The following CNTN4 variants were observed in gnomAD, a reference collection of about 807,000 sequenced individuals.
CNTN4 encodes the protein contactin 4.
CNTN4 carries 77 observed loss-of-function variants against 122.5 expected under a neutral mutation model. The observed-to-expected ratio is 0.63, with a 90% confidence interval of 0.52 to 0.76. The LOEUF (loss-of-function observed/expected upper bound fraction) is 0.76. Ranked by LOEUF, CNTN4 falls within the 30% of genes least tolerant of loss-of-function variation. The probability of loss-of-function intolerance (pLI) is 0.00; values close to 1 mark genes in which losing one functional copy is unlikely to be tolerated. For missense variants in CNTN4, 1,256 were observed against 1,259.1 expected, an observed-to-expected ratio of 1.00 and a Z score of 0.04; for synonymous variants, 512 against 447.0, an observed-to-expected ratio of 1.15 and a Z score of -1.83.
At chr3:2,826,643 C>G (rs1010864920) in intron 7 of CNTN4, among the ~76,000 whole-genome samples, 23 of 152,294 alleles carry the variant, frequency 1.5e-4, no homozygotes, top group African/African-American at 5.5e-4. Context: ...CTTCCCACAC[C>G]TACTCAGCTT....
chr3:2,961,928 G>T (rs2094864604), intron 13 of CNTN4, among the ~76,000 whole-genome samples: 1 of 152,138 alleles, frequency 6.6e-6, no homozygotes, highest in Non-Finnish European at 1.5e-5. Context: ...GCTTTCAGTG[G>T]CACTTCCTAT....
intron 3 of CNTN4, among the ~76,000 whole-genome samples, chr3:2,532,303 G>A: frequency 6.6e-6 from 1 of 151,974 alleles, no homozygotes; most frequent in Non-Finnish European, 1.5e-5. Context: ...CCCTGGGCTG[G>A]ACTGCAGTGG....
intron 4 of CNTN4, among the ~76,000 whole-genome samples, chr3:2,662,121 A>G (rs1409803086): frequency 6.6e-6 from 1 of 152,240 alleles, no homozygotes. Context: ...CACAAGCTAC[A>G]GAAAGAGATA....
chr3:2,540,494 T>C (rs2077990376), intron 3 of CNTN4, among the ~76,000 whole-genome samples: 1 of 151,994 alleles, frequency 6.6e-6, no homozygotes, highest in African/African-American at 2.4e-5. Flanking sequence ...ATTTTTTTGG[T>C]TCTGCTTCTA....
At position 2,705,920 on chromosome 3, in the gene CNTN4, T is replaced by A. The variant is rs1329541764; in HGVS notation, c.56-30295T>A. ...AAATATATATTATATATAAAATATA[T>A]GTAATATATAATTTATAAATAAATA... On this transcript the variant is annotated intron_variant, in intron 4 of 24. Coordinates refer to ENST00000418658, the MANE Select transcript of CNTN4 (RefSeq NM_175607.3). Among the ~76,000 whole-genome samples the A allele has an allele frequency of 8.1e-5, 10 of 123,614 alleles. No homozygotes were observed. In the East Asian group the frequency reaches 2.2e-3, roughly 27 times the overall value. 81.1% of individuals were successfully genotyped at this position (123,614 alleles called of 152,430 possible).
At chr3:2,864,603 G>T (rs570305281) in intron 7 of CNTN4, among the ~76,000 whole-genome samples, 9 of 151,824 alleles carry the variant, frequency 5.9e-5, no homozygotes, top group Non-Finnish European at 8.8e-5. Flanking sequence ...GCCAAGCGTC[G>T]TGGTGGGCAC....
chr3:2,585,869 G>A (rs1461110163), intron 4 of CNTN4, among the ~76,000 whole-genome samples: 6 of 147,634 alleles, frequency 4.1e-5, no homozygotes, highest in African/African-American at 1.5e-4. Context: ...ACCCAATACA[G>A]AGGGGGAGAA....
chr3:2,807,410 G>A (rs1321923247), intron 6 of CNTN4, among the ~76,000 whole-genome samples: 8 of 151,850 alleles, frequency 5.3e-5, no homozygotes, highest in South Asian at 2.1e-4. Flanking sequence ...TGAAGTTGCC[G>A]AAGCAACTTA....
At chr3:2,577,226 C>A (rs1315866645) in intron 4 of CNTN4, among the ~76,000 whole-genome samples, 11 of 152,178 alleles carry the variant, frequency 7.2e-5, no homozygotes, top group East Asian at 3.9e-4. Context: ...GAGTCCAAAC[C>A]AGCTAATAGC....
chr3:2,355,807 C>T (rs2044847697), intron 3 of CNTN4, among the ~76,000 whole-genome samples: 1 of 152,184 alleles, frequency 6.6e-6, no homozygotes, highest in Non-Finnish European at 1.5e-5. Flanking sequence ...ACCAGGACCT[C>T]CTAAGATAAA....
At chr3:2,434,258 C>A (rs1284855103) in intron 3 of CNTN4, among the ~76,000 whole-genome samples, 1 of 151,750 alleles carries the variant, frequency 6.6e-6, no homozygotes, top group Non-Finnish European at 1.5e-5. Flanking sequence ...CACATTGTAC[C>A]CCACAAACAT....
At chr3:2,233,563 C>T (rs1398023432) in intron 2 of CNTN4, among the ~76,000 whole-genome samples, 3 of 152,174 alleles carry the variant, frequency 2.0e-5, no homozygotes, top group African/African-American at 7.2e-5. Flanking sequence ...TTCCAGTGAA[C>T]CAGGATAGGC....
At chr3:2,723,261 TC>T (rs374220617) in intron 4 of CNTN4, among the ~76,000 whole-genome samples, 9 of 152,144 alleles carry the variant, frequency 5.9e-5, no homozygotes, top group African/African-American at 2.2e-4. Context: ...CACCACCTAA[TC>T]TTTGCAAACC....
At chr3:2,947,561 G>A (rs62232845) in intron 13 of CNTN4, among the ~76,000 whole-genome samples, 11,323 of 152,240 alleles carry the variant, frequency 0.074, 479 homozygotes, top group Middle Eastern at 0.12. Flanking sequence ...GGTTAATAGT[G>A]GAAACTCTGT....
rs192462140 is a variant in CNTN4, at chr3:2,895,779, C to A, written c.941-4906C>A. On this transcript the variant is annotated intron_variant, in intron 10 of 24. Coordinates refer to ENST00000418658, the MANE Select transcript of CNTN4 (RefSeq NM_175607.3). ...GCTGGGCGCAGTGGCTCACGCCTGT[C>A]ATCCCAGCACTTTGGGAGGCCGAGG... 1.5e-3 allele frequency among the ~76,000 whole-genome samples: 221 copies of A among 152,298 alleles called. 3 individuals are homozygous for A. In the East Asian group the frequency reaches 0.016, roughly 11 times the overall value.
At chr3:2,219,200 T>C (rs1720158) in intron 2 of CNTN4, among the ~76,000 whole-genome samples, 59,112 of 152,042 alleles carry the variant, frequency 0.39, 11,568 homozygotes, top group Non-Finnish European at 0.41. Context: ...GGGTTAGTGA[T>C]TTATATTTTA....
rs190977018 is a variant in CNTN4 at position 3,030,991 on chromosome 3, G to T, written c.1783+16G>T. The T allele has an allele frequency of 1.2e-6, 2 of 1,613,874 alleles. No individual in the cohort carries two copies. The highest frequency in any genetic ancestry group is 1.3e-5 in the African/African-American group (1 of 75,024). ...ATTGTAAGAGGTACTGGATTTTGTT[G>T]TTATTGTTGTTCTTGAAATATTTTC... On this transcript the variant is annotated intron_variant, in intron 16 of 24. Coordinates refer to ENST00000418658, the MANE Select transcript of CNTN4 (RefSeq NM_175607.3).
chr3:2,130,761 C>A lies in CNTN4; in HGVS notation c.-145+30122C>A, dbSNP rs147991105. Among the ~76,000 whole-genome samples the A allele has an allele frequency of 8.3e-3, 1,265 of 152,256 alleles. 6 individuals are homozygous for A. Among genetic ancestry groups the A allele is most frequent in the Non-Finnish European group, 0.013 (887 of 67,994 alleles). ...AGGTTTTTTGAATAATAGTAACTTA[C>A]ATATCTATAGTCTCTTATCTGAAGC... On this transcript the variant is annotated intron_variant, in intron 2 of 24. Transcript: ENST00000418658.
chr3:2,816,370 AT>A (rs1350244346), intron 6 of CNTN4, among the ~76,000 whole-genome samples: 37 of 151,834 alleles, frequency 2.4e-4, no homozygotes, highest in Middle Eastern at 3.4e-3. Context: ...AATAAAAAAA[AT>A]AAATAAATAA....
Sources: allele counts gnomAD v4.1 joint callset (sites outside exome capture counted in the v4.1 genomes callset), GRCh38; gene constraint gnomAD v4.1.1; transcripts MANE v1.5; gene names NCBI Gene and HGNC (gene_info 2026-07-23, HGNC 2026-07-21).